The following TMCC3 variants were observed in gnomAD, a reference collection of about 807,000 sequenced individuals.
TMCC3 encodes transmembrane and coiled-coil domain protein 3.
A neutral mutation model predicts 40.2 loss-of-function variants in TMCC3; 28 were observed. That is an observed-to-expected ratio of 0.70 (90% confidence interval 0.52 to 0.95). TMCC3 has a LOEUF of 0.95. TMCC3 is among the 40% of genes least tolerant of loss of function. The pLI is 0.00. For missense variants in TMCC3, 554 were observed against 615.2 expected, an observed-to-expected ratio of 0.90 and a Z score of 1.05; for synonymous variants, 255 against 248.5, an observed-to-expected ratio of 1.03 and a Z score of -0.25.
chr12:94,648,383 C>T (rs2069032600), intron 1 of TMCC3, among the ~76,000 whole-genome samples: 1 of 152,116 alleles, frequency 6.6e-6, no homozygotes, highest in Non-Finnish European at 1.5e-5. Flanking sequence ...CCCACCACCA[C>T]GCCCGGCTAA....
intron 1 of TMCC3, among the ~76,000 whole-genome samples, chr12:94,639,781 G>T (rs1366080689): frequency 1.0e-5 from 1 of 96,458 alleles, no homozygotes; most frequent in Non-Finnish European, 2.2e-5. Flanking sequence ...AAAAAAAAAA[G>T]AAGAAGAAAA....
chr12:94,578,883 G>A (rs1431331308), intron 2 of TMCC3, among the ~76,000 whole-genome samples: 1 of 152,148 alleles, frequency 6.6e-6, no homozygotes, highest in Non-Finnish European at 1.5e-5. Context: ...CTAAAGGAGG[G>A]CCAGGACCTC....
chr12:94,577,404 G>C (rs2068572150), intron 3 of TMCC3, among the ~76,000 whole-genome samples: 1 of 152,080 alleles, frequency 6.6e-6, no homozygotes, highest in South Asian at 2.1e-4. Context: ...TAGCCAGGAT[G>C]GTCTCAATCT....
At chr12:94,596,166 T>G (rs1261002156) in intron 1 of TMCC3, among the ~76,000 whole-genome samples, 1 of 152,234 alleles carries the variant, frequency 6.6e-6, no homozygotes, top group African/African-American at 2.4e-5. Context: ...CCTGATGTTT[T>G]GAGTACATCT....
Position 94,571,564 on chromosome 12 carries a change from G to T in TMCC3, c.1305C>A (p.Phe435Leu). ...ILVCVSTIAK[F>L]VSPMMKSRCH... ...AGCGACTCTTCATCATGGGTGAGAC[G>T]AACTTCGCGATGGTGGACACACACA... Residue 435 changes from phenylalanine to leucine, a missense_variant, in exon 4 of 4, where the codon TTC becomes TTA. By Grantham distance (22) the Phe-to-Leu change is conservative. Coordinates refer to ENST00000261226, the MANE Select transcript of TMCC3 (RefSeq NM_020698.4). The T allele has an allele frequency of 6.2e-7, 1 of 1,614,138 alleles. No individual in the cohort carries two copies. The highest frequency in any genetic ancestry group is 8.5e-7 in the Non-Finnish European group (1 of 1,180,034).
chr12:94,584,241 C>T (rs933513166), intron 1 of TMCC3, among the ~76,000 whole-genome samples: 7 of 151,948 alleles, frequency 4.6e-5, no homozygotes, highest in Admixed American at 4.6e-4. Flanking sequence ...GGTAGTGAGT[C>T]CTCCTGAGAT....
chr12:94,575,582 G>GA (rs568163457), intron 3 of TMCC3, among the ~76,000 whole-genome samples: 2 of 152,280 alleles, frequency 1.3e-5, no homozygotes, highest in East Asian at 3.9e-4. Flanking sequence ...GATGAAACCA[G>GA]AAAACGTCGA....
chr12:94,643,663 G>A (rs1041931771), intron 1 of TMCC3, among the ~76,000 whole-genome samples: 2 of 152,186 alleles, frequency 1.3e-5, no homozygotes, highest in African/African-American at 4.8e-5. Flanking sequence ...ATATGACTAC[G>A]TGCAAAAGAC....
At chr12:94,580,398 T>C (rs2068593097) in intron 2 of TMCC3, among the ~76,000 whole-genome samples, 1 of 152,116 alleles carries the variant, frequency 6.6e-6, no homozygotes, top group South Asian at 2.1e-4. Context: ...TTATTTTACT[T>C]TAGAGTAAAA....
chr12:94,634,048 C>T (rs2068947431), intron 1 of TMCC3, among the ~76,000 whole-genome samples: 1 of 151,542 alleles, frequency 6.6e-6, no homozygotes, highest in South Asian at 2.1e-4. Flanking sequence ...CGGGTTCAAA[C>T]GATTTTCCCT....
chr12:94,648,111 C>T (rs1478519090), intron 1 of TMCC3, among the ~76,000 whole-genome samples: 1 of 152,106 alleles, frequency 6.6e-6, no homozygotes, highest in African/African-American at 2.4e-5. Context: ...TACGATAATC[C>T]GCACATATAA....
intron 1 of TMCC3, among the ~76,000 whole-genome samples, chr12:94,606,370 C>T (rs1317474067): frequency 7.1e-6 from 1 of 141,676 alleles, no homozygotes. Flanking sequence ...TTTTCTTATT[C>T]TTTTTTTTTT....
At chr12:94,634,252 T>C (rs1447084987) in intron 1 of TMCC3, among the ~76,000 whole-genome samples, 2 of 152,110 alleles carry the variant, frequency 1.3e-5, no homozygotes, top group East Asian at 3.8e-4. Flanking sequence ...GCCCAGTATA[T>C]GTATTATTCT....
chr12:94,586,632 A>G (rs2068640009), intron 1 of TMCC3, among the ~76,000 whole-genome samples: 1 of 147,962 alleles, frequency 6.8e-6, no homozygotes, highest in Non-Finnish European at 1.5e-5. Context: ...TACCAAACCG[A>G]GCAGTAAATA....
At chr12:94,619,902 G>A (rs1250979849) in intron 1 of TMCC3, among the ~76,000 whole-genome samples, 12 of 152,136 alleles carry the variant, frequency 7.9e-5, no homozygotes, top group African/African-American at 2.4e-4. Flanking sequence ...AGTAGCTCAC[G>A]CCTATAGTCC....
chr12:94,570,194 C>A lies in TMCC3; in HGVS notation c.*1241G>T, dbSNP rs1385151640. The A allele has an allele frequency of 6.6e-6, 1 of 152,232 alleles. No individual in the cohort carries two copies. Among genetic ancestry groups the A allele is most frequent in the Non-Finnish European group, 1.5e-5 (1 of 68,050 alleles). The allele number at this position is 152,232 out of a possible 1,614,324, so 9.4% of individuals were successfully genotyped here. A position where few individuals can be genotyped will look rare whatever the true frequency, so the allele number is the denominator to read the frequency against. ...ACTTCTCAAAGACGATGCTCTCAAT[C>A]TTCATCCAGGTGAACTGCTCCCACT... On this transcript the variant is annotated 3_prime_UTR_variant, in exon 4 of 4. Transcript: ENST00000261226.
intron 1 of TMCC3, among the ~76,000 whole-genome samples, chr12:94,648,642 T>C (rs2069034534): frequency 6.6e-6 from 1 of 152,210 alleles, no homozygotes; most frequent in Non-Finnish European, 1.5e-5. Flanking sequence ...TGCAGTTACC[T>C]TACACAATTG....
chr12:94,603,523 G>A (rs2068764860), intron 1 of TMCC3, among the ~76,000 whole-genome samples: 1 of 152,176 alleles, frequency 6.6e-6, no homozygotes, highest in Non-Finnish European at 1.5e-5. Context: ...CAAATCTCAC[G>A]TGTGTAATAC....
At chr12:94,632,008 G>A (rs926982333) in intron 1 of TMCC3, among the ~76,000 whole-genome samples, 3 of 152,190 alleles carry the variant, frequency 2.0e-5, no homozygotes, top group Non-Finnish European at 4.4e-5. Flanking sequence ...GCAACAACAT[G>A]CAATTGCAAA....
Sources: gnomAD v4.1 joint callset for allele counts (sites outside exome capture counted in the v4.1 genomes callset) on GRCh38, gnomAD v4.1.1 for gene constraint, MANE v1.5 for transcripts, NCBI Gene and HGNC (gene_info 2026-07-23, HGNC 2026-07-21) for gene names.